AKAP19: variants seen among roughly 807,000 people sequenced by gnomAD.
AKAP19 encodes the protein A-kinase anchoring protein 19.
the AKAP19 span, among the ~76,000 whole-genome samples, chr2:189,929,553 A>G: frequency 4.1e-5 from 2 of 49,256 alleles, no homozygotes; most frequent in Non-Finnish European, 1.7e-4. Flanking sequence ...TGGTTTATTG[A>G]CACTTTTTTT....
the AKAP19 span, among the ~76,000 whole-genome samples, chr2:190,025,093 A>T: frequency 1.3e-5 from 2 of 152,152 alleles, no homozygotes; most frequent in Non-Finnish European, 2.9e-5. Flanking sequence ...AAGATTTACC[A>T]GTTTTATCTC....
At chr2:190,194,173 T>C in the AKAP19 span, among the ~76,000 whole-genome samples, 1 of 152,208 alleles carries the variant, frequency 6.6e-6, no homozygotes, top group African/African-American at 2.4e-5. Context: ...CAATAGTCTA[T>C]CTTGGTGAAT....
the AKAP19 span, among the ~76,000 whole-genome samples, chr2:190,084,090 GTT>G: frequency 3.0e-5 from 4 of 132,090 alleles, no homozygotes; most frequent in Non-Finnish European, 3.2e-5. Flanking sequence ...TAGAGCTCAG[GTT>G]TTTTTTTTTT....
At chr2:190,005,532 C>G in the AKAP19 span, among the ~76,000 whole-genome samples, 1 of 152,252 alleles carries the variant, frequency 6.6e-6, no homozygotes, top group East Asian at 1.9e-4. Context: ...CATTCCACTT[C>G]TATCTCATTA....
chr2:189,995,592 G>C, the AKAP19 span, among the ~76,000 whole-genome samples: 1 of 151,928 alleles, frequency 6.6e-6, no homozygotes, highest in Non-Finnish European at 1.5e-5. Context: ...ATTTTAAGTG[G>C]AACTTTTAGG....
chr2:190,176,378 C>T, the AKAP19 span, among the ~76,000 whole-genome samples: 8 of 152,152 alleles, frequency 5.3e-5, no homozygotes, highest in Admixed American at 2.0e-4. The surrounding 1 kb of genome is among the most constrained non-coding windows in gnomAD (Gnocchi z 4.7). Flanking sequence ...CACAGAGTCT[C>T]GCACTGTCAC....
At chr2:190,052,203 G>T in the AKAP19 span, among the ~76,000 whole-genome samples, 1 of 152,100 alleles carries the variant, frequency 6.6e-6, no homozygotes, top group Non-Finnish European at 1.5e-5. Context: ...TTCCCCAGTA[G>T]AATTCTTCAC....
the AKAP19 span, among the ~76,000 whole-genome samples, chr2:190,175,874 G>C: frequency 6.6e-6 from 1 of 152,214 alleles, no homozygotes. Flanking sequence ...AAGAGGTAGG[G>C]CCTTTAAGAG....
At chr2:189,953,415 C>G in the AKAP19 span, among the ~76,000 whole-genome samples, 10 of 152,174 alleles carry the variant, frequency 6.6e-5, no homozygotes, top group East Asian at 1.9e-3. Context: ...ATGGGCAGAT[C>G]ACCTAGGTCA....
At chr2:190,182,719 ATAATC>A in the AKAP19 span, among the ~76,000 whole-genome samples, 3 of 152,242 alleles carry the variant, frequency 2.0e-5, no homozygotes, top group African/African-American at 7.2e-5. Context: ...TTCAAATAAA[ATAATC>A]TATTGCTTAA....
At chr2:190,133,161 C>A in the AKAP19 span, among the ~76,000 whole-genome samples, 1 of 143,572 alleles carries the variant, frequency 7.0e-6, no homozygotes. Context: ...TAGCGTGAAC[C>A]CAGGAGGCGG....
At chr2:189,999,736 T>C in the AKAP19 span, among the ~76,000 whole-genome samples, 2 of 152,230 alleles carry the variant, frequency 1.3e-5, no homozygotes, top group Non-Finnish European at 2.9e-5. Flanking sequence ...AAGTCTAGAT[T>C]TGAAGTCAGT....
At chr2:189,885,829 A>C in the AKAP19 span, among the ~76,000 whole-genome samples, 1 of 152,100 alleles carries the variant, frequency 6.6e-6, no homozygotes, top group East Asian at 1.9e-4. Context: ...TTTTATTGAG[A>C]TGGAATTTGA....
chr2:190,059,253 T>C, the AKAP19 span, among the ~76,000 whole-genome samples: 1 of 151,868 alleles, frequency 6.6e-6, no homozygotes, highest in African/African-American at 2.4e-5. Flanking sequence ...GAAATTTAGG[T>C]AAGCCAGAAG....
the AKAP19 span, among the ~76,000 whole-genome samples, chr2:190,033,390 C>A: frequency 6.6e-6 from 1 of 152,000 alleles, no homozygotes; most frequent in Non-Finnish European, 1.5e-5. Flanking sequence ...AACGTGTCTG[C>A]GTATAGGCAA....
chr2:190,168,313 C>T, the AKAP19 span, among the ~76,000 whole-genome samples: 1 of 152,164 alleles, frequency 6.6e-6, no homozygotes, highest in Admixed American at 6.5e-5. Flanking sequence ...TAGCCTGGGC[C>T]TGCCCCACAA....
the AKAP19 span, among the ~76,000 whole-genome samples, chr2:189,882,141 G>C: frequency 6.6e-6 from 1 of 152,192 alleles, no homozygotes; most frequent in Non-Finnish European, 1.5e-5. Context: ...CTGTCAGAAA[G>C]TGACATTCTT....
At chr2:190,198,192 T>C in the AKAP19 span, among the ~76,000 whole-genome samples, 1 of 151,640 alleles carries the variant, frequency 6.6e-6, no homozygotes, top group African/African-American at 2.4e-5. Context: ...ATCACTCTTA[T>C]TAGGGGTAGG....
chr2:190,089,965 G>A, the AKAP19 span, among the ~76,000 whole-genome samples: 1 of 152,252 alleles, frequency 6.6e-6, no homozygotes, highest in East Asian at 1.9e-4. Context: ...CTTACACCAT[G>A]CAGAGCAGTG....
Sources: gnomAD v4.1 joint callset for allele counts (sites outside exome capture counted in the v4.1 genomes callset) on GRCh38, gnomAD v4.1.1 for gene constraint, Gnocchi (gnomAD v3.1) non-coding constraint, MANE v1.5 for transcripts, NCBI Gene and HGNC (gene_info 2026-07-23, HGNC 2026-07-21) for gene names.